The following PIWIL1 variants were observed in gnomAD, a reference collection of about 807,000 sequenced individuals.
PIWIL1 encodes piwi-like protein 1.
A neutral mutation model predicts 114.4 loss-of-function variants in PIWIL1; 73 were observed. The ratio of observed to expected loss-of-function variants is 0.64; its 90% confidence interval spans 0.53 to 0.78. The LOEUF (loss-of-function observed/expected upper bound fraction) is 0.78, where lower values mean the gene tolerates loss of function less well. Ranked by LOEUF, PIWIL1 falls within the 30% of genes least tolerant of loss-of-function variation. The pLI is 0.00. For synonymous variants in PIWIL1, 375 were observed against 369.0 expected, an observed-to-expected ratio of 1.02 and a Z score of -0.19; for missense variants, 723 against 1,063.1, an observed-to-expected ratio of 0.68 and a Z score of 4.45.
In PIWIL1 at chr12:130,342,604, G is replaced by C; in HGVS notation, c.13G>C (p.Ala5Pro). The C allele has an allele frequency of 6.2e-7, 1 of 1,613,402 alleles. No individual in the cohort carries two copies. The highest frequency in any genetic ancestry group is 8.5e-7 in the Non-Finnish European group (1 of 1,179,402). MTGR[A>P]RARARGRARG... Reference sequence around the variant, plus strand: ...GAAATAGAAAACAATGACTGGGAGAGCCCGAGCCAGAGCCAGAGGAAGGGC... The same window carrying C: ...GAAATAGAAAACAATGACTGGGAGACCCCGAGCCAGAGCCAGAGGAAGGGC... Residue 5 changes from alanine (A) to proline (P), a missense_variant, in exon 2 of 21, where the codon GCC (alanine) becomes CCC (proline). By Grantham distance (27) the Ala-to-Pro change is conservative. Transcript: ENST00000245255.
At position 130,357,834 on chromosome 12, in the gene PIWIL1, T is replaced by TACAGAC. The variant is rs2073406317; in HGVS notation, c.1665+281_1665+282insACAGAC. ...CAAAGGCTTTACTTAGTCTAGAAAA[T>TACAGAC]TTGGAAAATACAGAAAAGCACAGAG... On this transcript the variant is annotated intron_variant, in intron 14 of 20. Transcript: ENST00000245255. 2.0e-5 allele frequency among the ~76,000 whole-genome samples: 3 copies of TACAGAC among 152,066 alleles called. No homozygotes were observed. In the South Asian group the frequency reaches 6.2e-4, roughly 32 times the overall value.
the PIWIL1 span, among the ~76,000 whole-genome samples, chr12:130,384,747 A>G: frequency 5.9e-5 from 9 of 152,222 alleles, no homozygotes; most frequent in Non-Finnish European, 1.3e-4. Flanking sequence ...TAGAAAACCA[A>G]CAGAGTCTTG....
intron 8 of PIWIL1, 99 bp downstream of exon 8, chr12:130,349,535 G>A: frequency 1.2e-6 from 1 of 804,856 alleles, no homozygotes; most frequent in Non-Finnish European, 2.0e-6. Flanking sequence ...AAAATTGAGT[G>A]GTGGGAATAG....
intron 1 of PIWIL1, among the ~76,000 whole-genome samples, chr12:130,341,460 A>T (rs1025639106): frequency 9.2e-5 from 14 of 152,254 alleles, no homozygotes; most frequent in Non-Finnish European, 1.6e-4. Flanking sequence ...CATATGAAAA[A>T]GATAACACTA....
In PIWIL1 at chr12:130,357,032, G is replaced by A. The variant is rs778009506; in HGVS notation, c.1519G>A (p.Ala507Thr). Residue 507 changes from alanine to threonine, a missense_variant, in exon 13 of 21, where the codon GCA becomes ACA. Transcript: ENST00000245255. ...GATCTATACGCGAAGAAATTATGAA[G>A]CAGCCAATTCATTGATACAAAATCT... ...LLIYTRRNYE[A>T]ANSLIQNLFK... The A allele has an allele frequency of 3.7e-6, 6 of 1,613,618 alleles. No homozygotes were observed. The highest frequency in any genetic ancestry group is 2.7e-5 in the African/African-American group (2 of 74,906).
intron 16 of PIWIL1, 120 bp downstream of exon 16, chr12:130,361,721 G>A (rs970791751): frequency 1.2e-5 from 9 of 727,158 alleles, no homozygotes; most frequent in Admixed American, 2.6e-5. Flanking sequence ...ATACAGCAAC[G>A]AATTTAGGAA....
chr12:130,424,202 G>A, the PIWIL1 span: 21 of 1,231,914 alleles, frequency 1.7e-5, no homozygotes, highest in African/African-American at 4.7e-5. This position sits in a 1 kb window ranked among gnomAD's most constrained non-coding sequence, Gnocchi z 9.8. Context: ...CCCTACTGTC[G>A]GGCATGGTTA....
At chr12:130,393,154 A>C in the PIWIL1 span, among the ~76,000 whole-genome samples, 3 of 150,438 alleles carry the variant, frequency 2.0e-5, no homozygotes, top group African/African-American at 7.4e-5. Context: ...GGTCACCATC[A>C]TCACGTGTGT....
chr12:130,357,986 A>G (rs2073410963), intron 14 of PIWIL1, among the ~76,000 whole-genome samples: 1 of 152,144 alleles, frequency 6.6e-6, no homozygotes, highest in Non-Finnish European at 1.5e-5. Context: ...CCTGAGTGAC[A>G]CTCAGCAGCT....
Position 130,349,938 on chromosome 12 carries a change from G to A in PIWIL1, c.1015G>A (p.Glu339Lys). The A allele has an allele frequency of 1.2e-6, 2 of 1,612,032 alleles. No individual in the cohort carries two copies. Among genetic ancestry groups the A allele is most frequent in the East Asian group, 4.5e-5 (2 of 44,864 alleles). Residue 339 changes from glutamate to lysine, a missense_variant, in exon 9 of 21, where the codon GAA (glutamate) becomes AAA (lysine). Physicochemically the swap from Glu to Lys is moderately conservative, Grantham distance 56. Transcript: ENST00000245255. ...KSTFKKADGS[E>K]VSFLEYYRKQ... ...CACCTTTAAGAAAGCCGACGGCTCT[G>A]AAGTCAGCTTCTTAGAATACTACAG...
chr12:130,340,646 T>TGG (rs143005039), intron 1 of PIWIL1, among the ~76,000 whole-genome samples: 4 of 72,786 alleles, frequency 5.5e-5, no homozygotes, highest in Non-Finnish European at 7.7e-5. Flanking sequence ...GGAGGGGGGG[T>TGG]GGGGGGAGGG....
the PIWIL1 span, among the ~76,000 whole-genome samples, chr12:130,379,038 T>C: frequency 2.0e-5 from 3 of 152,200 alleles, no homozygotes; most frequent in South Asian, 2.1e-4. Context: ...TGGTTGAAAA[T>C]GTAATTGTCA....
chr12:130,384,889 G>A, the PIWIL1 span, among the ~76,000 whole-genome samples: 1 of 151,902 alleles, frequency 6.6e-6, no homozygotes, highest in African/African-American at 2.4e-5. Context: ...TCATCTTGAA[G>A]TTATTTACTC....
At chr12:130,357,181 A>G (rs1305066588) in intron 13 of PIWIL1, 76 bp downstream of exon 13, 3 of 1,161,148 alleles carry the variant, frequency 2.6e-6, no homozygotes, top group Non-Finnish European at 3.7e-6. Context: ...TTAAACATAC[A>G]AACTACGTTA....
the PIWIL1 span, among the ~76,000 whole-genome samples, chr12:130,391,707 G>A: frequency 3.3e-5 from 5 of 152,276 alleles, no homozygotes; most frequent in East Asian, 7.8e-4. Context: ...TGGTAGATGA[G>A]GCCAAGCCAG....
the PIWIL1 span, among the ~76,000 whole-genome samples, chr12:130,380,928 GTCT>G: frequency 6.6e-6 from 1 of 152,176 alleles, no homozygotes; most frequent in Non-Finnish European, 1.5e-5. Flanking sequence ...AGTCCAATGA[GTCT>G]TCTTTTTTTT....
At chr12:130,394,685 T>G in the PIWIL1 span, among the ~76,000 whole-genome samples, 5 of 150,622 alleles carry the variant, frequency 3.3e-5, no homozygotes, top group Non-Finnish European at 7.4e-5. Flanking sequence ...TTTTTCTGAG[T>G]GCAGCTTTAA....
the PIWIL1 span, chr12:130,399,553 GAAAA>G: frequency 8.9e-7 from 1 of 1,120,046 alleles, no homozygotes. Context: ...TCAGGGCAGA[GAAAA>G]AAAATTCAGG....
the PIWIL1 span, chr12:130,414,268 C>G: frequency 6.2e-7 from 1 of 1,609,570 alleles, no homozygotes; most frequent in African/African-American, 1.3e-5. Flanking sequence ...TCTGACTCTT[C>G]ATAGAAGTCT....
Sources: gnomAD v4.1 joint callset for allele counts (sites outside exome capture counted in the v4.1 genomes callset) on GRCh38, gnomAD v4.1.1 for gene constraint, Gnocchi (gnomAD v3.1) non-coding constraint, MANE v1.5 for transcripts, NCBI Gene and HGNC (gene_info 2026-07-23, HGNC 2026-07-21) for gene names.